Variants in TMEM132C observed in about 807,000 individuals in gnomAD.
TMEM132C encodes the protein protein phosphatase 1, regulatory subunit 152.
TMEM132C carries 29 observed loss-of-function variants against 61.4 expected under a neutral mutation model. The observed-to-expected ratio is 0.47, with a 90% CI of 0.35 to 0.64. The LOEUF is 0.64. TMEM132C is among the 30% of genes least tolerant of loss of function. The pLI, the probability that TMEM132C is intolerant of heterozygous loss-of-function variation, is 0.00. For missense variants in TMEM132C, 1,408 were observed against 1,476.9 expected (o/e 0.95, Z 0.76); for synonymous variants, 656 against 633.1 (o/e 1.04, Z -0.54).
rs187060377 is a variant in TMEM132C, at chr12:128,578,804, G to A, written c.1121+34701G>A. ...GTAGAGATGGGGTTTCGCCATGTTC[G>A]TCAGGCTGGTCTTGAACTCCTGACT... is the stretch of plus-strand genomic sequence containing the variant. On this transcript the variant is annotated intron_variant, in intron 3 of 8. Coordinates refer to ENST00000435159, the MANE Select transcript of TMEM132C (RefSeq NM_001136103.3). Among the ~76,000 whole-genome samples, 6 of 152,200 alleles carry A rather than the reference G, an allele frequency of 3.9e-5. No homozygotes were observed. In the Middle Eastern group the frequency reaches 0.01, roughly 259 times the overall value.
intron 1 of TMEM132C, among the ~76,000 whole-genome samples, chr12:128,300,735 C>T (rs1328805143): frequency 6.6e-6 from 1 of 152,116 alleles, no homozygotes; most frequent in Non-Finnish European, 1.5e-5. Flanking sequence ...AGCTAAGCGC[C>T]TATTAAAAAC....
At chr12:128,553,508 A>G (rs1482637698) in intron 3 of TMEM132C, among the ~76,000 whole-genome samples, 1 of 152,208 alleles carries the variant, frequency 6.6e-6, no homozygotes, top group Non-Finnish European at 1.5e-5. Context: ...TTTGTAACTT[A>G]ACGTTGCCAA....
At chr12:128,277,573 G>A (rs1870734655) in intron 1 of TMEM132C, among the ~76,000 whole-genome samples, 2 of 152,158 alleles carry the variant, frequency 1.3e-5, no homozygotes, top group Non-Finnish European at 2.9e-5. Flanking sequence ...TGGGAGCCTG[G>A]GGGTGAGGTC....
In TMEM132C at chr12:128,705,323, G is replaced by A; in HGVS notation, c.2355G>A (p.Lys785=). The A allele has an allele frequency of 6.4e-7, 1 of 1,551,402 alleles. No homozygotes were observed. Among genetic ancestry groups the A allele is most frequent in the Non-Finnish European group, 8.7e-7 (1 of 1,146,832 alleles). Residue 785 remains lysine, a synonymous_variant, in exon 9 of 9, where the codon AAG becomes AAA. Transcript: ENST00000435159. ...IAEACQKSKR[K]SILAVGVGNV... is the part of the protein sequence containing the mutation. The stretch of plus-strand genomic sequence containing the variant: ...AGGCCTGCCAGAAATCTAAACGCAA[G>A]AGCATCCTGGCTGTGGGCGTCGGCA...
intron 1 of TMEM132C, among the ~76,000 whole-genome samples, chr12:128,308,449 G>C (rs907254381): frequency 6.6e-6 from 1 of 152,084 alleles, no homozygotes; most frequent in African/African-American, 2.4e-5. Flanking sequence ...ATGGTATTTA[G>C]GAAGGGAGTT....
intron 1 of TMEM132C, among the ~76,000 whole-genome samples, chr12:128,337,249 G>C (rs1488799964): frequency 6.6e-6 from 1 of 151,974 alleles, no homozygotes; most frequent in Admixed American, 6.6e-5. Flanking sequence ...ATAGTGTCTG[G>C]CTTATTATAT....
chr12:128,307,913 C>T (rs2135924421), intron 1 of TMEM132C, among the ~76,000 whole-genome samples: 1 of 152,346 alleles, frequency 6.6e-6, no homozygotes, highest in East Asian at 1.9e-4. Flanking sequence ...GGAGCTGCCC[C>T]TCCCTGACTG....
intron 2 of TMEM132C, among the ~76,000 whole-genome samples, chr12:128,483,309 T>TGAGGGGAGTGGAGGA (rs1471666793): frequency 4.8e-5 from 1 of 20,808 alleles, no homozygotes; most frequent in Non-Finnish European, 7.8e-5. Flanking sequence ...GAGGGGGAGG[T>TGAGGGGAGTGGAGGA]GAGGGGAGAG....
rs1872513101 is a variant in TMEM132C, at chr12:128,326,250, T to C, written c.85+58763T>C. On this transcript the variant is annotated intron_variant, in intron 1 of 8. Transcript: ENST00000435159. The surrounding 1 kb of genome is among the most constrained non-coding windows in gnomAD (Gnocchi z 5.6). ...TCTGTCTTGGTTTGAGCACCTCCAT[T>C]CCTCCCCACCACCATCACTCCATGA... 6.6e-6 allele frequency among the ~76,000 whole-genome samples: 1 copy of C among 152,080 alleles called. No individual in the cohort carries two copies. The highest frequency in any genetic ancestry group is 1.5e-5 in the Non-Finnish European group (1 of 68,004).
At chr12:128,322,793 T>C (rs1872375651) in intron 1 of TMEM132C, among the ~76,000 whole-genome samples, 1 of 152,248 alleles carries the variant, frequency 6.6e-6, no homozygotes, top group African/African-American at 2.4e-5. Flanking sequence ...AGCTCTGTTT[T>C]CTTTAAGGTT....
intron 1 of TMEM132C, among the ~76,000 whole-genome samples, chr12:128,410,037 G>GA (rs780816982): frequency 5.3e-4 from 80 of 151,916 alleles, no homozygotes; most frequent in Non-Finnish European, 9.6e-4. Context: ...AGTAACATGG[G>GA]AAAAATGGCT....
At chr12:128,597,110 A>G (rs900055948) in intron 3 of TMEM132C, among the ~76,000 whole-genome samples, 1 of 152,190 alleles carries the variant, frequency 6.6e-6, no homozygotes, top group Non-Finnish European at 1.5e-5. Flanking sequence ...CCAGTTGGCT[A>G]TATACCCTTC....
At chr12:128,644,297 C>T (rs1385223070) in intron 4 of TMEM132C, among the ~76,000 whole-genome samples, 1 of 152,216 alleles carries the variant, frequency 6.6e-6, no homozygotes, top group African/African-American at 2.4e-5. Flanking sequence ...GAAATGTTAT[C>T]ATGCAACATT....
chr12:128,382,945 T>C (rs909349086), intron 1 of TMEM132C, among the ~76,000 whole-genome samples: 6 of 151,946 alleles, frequency 3.9e-5, no homozygotes, highest in Non-Finnish European at 5.9e-5. Flanking sequence ...TGTATGTGGG[T>C]GTGTGTGTAT....
intron 1 of TMEM132C, among the ~76,000 whole-genome samples, chr12:128,271,115 G>A (rs1299171056): frequency 2.6e-5 from 4 of 151,880 alleles, no homozygotes; most frequent in Non-Finnish European, 5.9e-5. Flanking sequence ...TTAGCTGGGC[G>A]TGGTGGCGGG....
At chr12:128,690,798 C>T (rs956347364) in intron 5 of TMEM132C, among the ~76,000 whole-genome samples, 1 of 152,012 alleles carries the variant, frequency 6.6e-6, no homozygotes, top group African/African-American at 2.4e-5. Flanking sequence ...CCAACTGCTC[C>T]CTGCCACTGT....
intron 1 of TMEM132C, among the ~76,000 whole-genome samples, chr12:128,319,480 C>T (rs1325596814): frequency 1.3e-5 from 2 of 151,976 alleles, no homozygotes; most frequent in African/African-American, 4.8e-5. Flanking sequence ...CTTGGAGAGG[C>T]TGTTACCATG....
chr12:128,439,285 G>A (rs1444164519), intron 2 of TMEM132C: 1 of 152,176 alleles, frequency 6.6e-6, no homozygotes, highest in Non-Finnish European at 1.5e-5. Flanking sequence ...TTTTGAGGCT[G>A]GGTACATGCT....
At chr12:128,388,484 T>C (rs1874658872) in intron 1 of TMEM132C, among the ~76,000 whole-genome samples, 3 of 152,268 alleles carry the variant, frequency 2.0e-5, no homozygotes, top group African/African-American at 7.2e-5. Flanking sequence ...TGTCATTCTT[T>C]TAACTGCTGT....
Sources: allele counts gnomAD v4.1 joint callset (sites outside exome capture counted in the v4.1 genomes callset), GRCh38; gene constraint gnomAD v4.1.1; non-coding constraint Gnocchi (gnomAD v3.1); transcripts MANE v1.5; gene names NCBI Gene and HGNC (gene_info 2026-07-23, HGNC 2026-07-21).